The following RAB3GAP1 variants were observed in gnomAD, a reference collection of about 807,000 sequenced individuals.
RAB3GAP1 encodes the protein rab3 GTPase-activating protein catalytic subunit.
In RAB3GAP1, 86 loss-of-function variants were observed where a neutral mutation model predicts 130.7. The observed-to-expected ratio is 0.66, with a 90% CI of 0.55 to 0.79. The LOEUF is 0.79. RAB3GAP1 is among the 30% of genes least tolerant of loss of function. The probability of loss-of-function intolerance (pLI) is 0.00; values close to 1 mark genes in which losing one functional copy is unlikely to be tolerated. For missense variants in RAB3GAP1, 1,029 were observed against 1,169.4 expected (o/e 0.88, Z 1.75); for synonymous variants, 367 against 401.7 (o/e 0.91, Z 1.03).
At chr2:135,129,369 G>A (rs550615833) in intron 11 of RAB3GAP1, among the ~76,000 whole-genome samples, 35 of 149,078 alleles carry the variant, frequency 2.3e-4, no homozygotes, top group African/African-American at 6.4e-4. Context: ...GGAGAATGGC[G>A]TGAACCTGGG....
At chr2:135,125,150 C>T (rs1230063187) in intron 9 of RAB3GAP1, among the ~76,000 whole-genome samples, 1 of 152,186 alleles carries the variant, frequency 6.6e-6, no homozygotes, top group Admixed American at 6.6e-5. Context: ...TCTAGGCAAA[C>T]ACTGATATAC....
intron 3 of RAB3GAP1, among the ~76,000 whole-genome samples, chr2:135,064,332 T>A (rs945338572): frequency 6.6e-6 from 1 of 152,162 alleles, no homozygotes; most frequent in Non-Finnish European, 1.5e-5. Context: ...AACATTTGAC[T>A]TGTTGATCCT....
At chr2:135,086,359 G>A (rs1369197147) in intron 3 of RAB3GAP1, among the ~76,000 whole-genome samples, 1 of 152,116 alleles carries the variant, frequency 6.6e-6, no homozygotes, top group Non-Finnish European at 1.5e-5. Context: ...AAGTTCCTCT[G>A]TGTTCTCTGT....
At chr2:135,108,765 A>G (rs975237884) in intron 5 of RAB3GAP1, among the ~76,000 whole-genome samples, 4 of 152,186 alleles carry the variant, frequency 2.6e-5, no homozygotes, top group African/African-American at 9.6e-5. Flanking sequence ...GTCATCAACA[A>G]ACTCAAAGTT....
intron 5 of RAB3GAP1, among the ~76,000 whole-genome samples, chr2:135,095,339 C>T (rs954413405): frequency 2.6e-5 from 4 of 152,184 alleles, no homozygotes; most frequent in African/African-American, 9.7e-5. Context: ...TGAGCCACCG[C>T]GCCCGGCCGC....
chr2:135,108,002 A>C lies in RAB3GAP1; in HGVS notation c.363-5149A>C, dbSNP rs867991847. 9.4e-3 allele frequency among the ~76,000 whole-genome samples: 1,309 copies of C among 138,968 alleles called. 20 individuals are homozygous for C. Among genetic ancestry groups the C allele is most frequent in the African/African-American group, 0.034 (1,243 of 36,572 alleles). 91.2% of individuals were successfully genotyped at this position (138,968 alleles called of 152,430 possible). A position where few individuals can be genotyped will look rare whatever the true frequency, so the allele number is the denominator to read the frequency against. On this transcript the variant is annotated intron_variant, in intron 5 of 23. Transcript: ENST00000264158. ...AAAAAAAAAAAAAAAAAAAAAAAAA[A>C]CTACACAAAATAAGTGGTATGGTTT...
chr2:135,107,631 A>C (rs1013502925), intron 5 of RAB3GAP1, among the ~76,000 whole-genome samples: 11 of 152,186 alleles, frequency 7.2e-5, no homozygotes, highest in African/African-American at 2.7e-4. Flanking sequence ...TTTTTTAAAG[A>C]GGTCCTTAAT....
Position 135,126,640 on chromosome 2 carries a change from T to G in RAB3GAP1, c.957T>G (p.Asn319Lys), listed in dbSNP as rs762431904. ...HWSVRVRKAE[N>K]PQCLLGDFVT... ...CTGTTAGAGTTCGAAAAGCTGAGAA[T>G]CCTCAGTGTTTGCTAGGTAAGGTAT... Residue 319 changes from asparagine (N) to lysine (K), a missense_variant, in exon 11 of 24, where the codon AAT (asparagine) becomes AAG (lysine). Coordinates refer to ENST00000264158, the MANE Select transcript of RAB3GAP1 (RefSeq NM_012233.3). The G allele has an allele frequency of 6.2e-7, 1 of 1,612,094 alleles. No homozygotes were observed. Among genetic ancestry groups the G allele is most frequent in the East Asian group, 2.2e-5 (1 of 44,824 alleles).
At chr2:135,105,040 C>G (rs182189999) in intron 5 of RAB3GAP1, among the ~76,000 whole-genome samples, 4 of 152,192 alleles carry the variant, frequency 2.6e-5, no homozygotes, top group Admixed American at 2.6e-4. Flanking sequence ...TTGTCCAGTC[C>G]AAAGAACAGA....
chr2:135,171,947 G>T (rs1235947900), downstream of RAB3GAP1, among the ~76,000 whole-genome samples: 2 of 152,194 alleles, frequency 1.3e-5, no homozygotes, highest in Non-Finnish European at 2.9e-5. Context: ...AGTGTACCCG[G>T]CACGTGGGAA....
intron 11 of RAB3GAP1, among the ~76,000 whole-genome samples, chr2:135,127,731 A>G (rs559519154): frequency 6.6e-6 from 1 of 152,342 alleles, no homozygotes; most frequent in East Asian, 1.9e-4. Context: ...GGGAAAAGAA[A>G]TGTGAATAAT....
chr2:135,136,043 A>G, intron 17 of RAB3GAP1, 111 bp downstream of exon 17: 2 of 1,443,758 alleles, frequency 1.4e-6, no homozygotes, highest in Non-Finnish European at 1.9e-6. Flanking sequence ...GTCTATGTTT[A>G]GGCCAGATGC....
In RAB3GAP1 at chr2:135,162,598, G is replaced by T. The variant is rs146072589; in HGVS notation, c.2333G>T (p.Arg778Leu). ...LAIQKPADLA[R>L]HLLPCVIHAA... ...ATCCAGAAACCTGCAGACCTTGCTC[G>T]GCACCTGTTACCTTGTGTGATTCAT... The change falls in exon 20 of 24, where the codon CGG becomes CTG. Residue 778 changes from arginine (R) to leucine (L), a missense_variant. Coordinates refer to ENST00000264158, the MANE Select transcript of RAB3GAP1 (RefSeq NM_012233.3). The T allele has an allele frequency of 1.9e-6, 3 of 1,614,072 alleles. No individual in the cohort carries two copies. Among genetic ancestry groups the T allele is most frequent in the Non-Finnish European group, 2.5e-6 (3 of 1,180,000 alleles).
chr2:135,140,772 G>C (rs1365784073), intron 17 of RAB3GAP1, among the ~76,000 whole-genome samples: 1 of 152,170 alleles, frequency 6.6e-6, no homozygotes, highest in African/African-American at 2.4e-5. Context: ...GAAAGTAGGT[G>C]TTTAGCATAA....
In RAB3GAP1 at chr2:135,126,242, G is replaced by A; in HGVS notation, c.892G>A (p.Val298Ile). ...CGAAGGGATCATTGTGGATAATGAT[G>A]TTTATTCGTAAGTATGTTAAGAGTA... ...LTEGIIVDND[V>I]YSDLDPIQAP... Residue 298 changes from valine (V) to isoleucine (I), a missense_variant, in exon 10 of 24, where the codon GTT (valine) becomes ATT (isoleucine). Coordinates refer to ENST00000264158, the MANE Select transcript of RAB3GAP1 (RefSeq NM_012233.3). 1 of 1,610,776 alleles carries A rather than the reference G, an allele frequency of 6.2e-7. No homozygotes were observed. Among genetic ancestry groups the A allele is most frequent in the Non-Finnish European group, 8.5e-7 (1 of 1,177,206 alleles).
rs867850955 is a variant in RAB3GAP1, at chr2:135,055,888, G to C, written c.75-2123G>C. Among the ~76,000 whole-genome samples, 5 of 151,900 alleles carry C rather than the reference G, an allele frequency of 3.3e-5. No individual in the cohort carries two copies. In the South Asian group the frequency reaches 8.3e-4, roughly 25 times the overall value. On this transcript the variant is annotated intron_variant, in intron 2 of 23. Transcript: ENST00000264158. ...GTCTCGCTCTGTCGCCCAGGCTGGA[G>C]TGCAGTGGCGCGATCTCGGCTCACT...
intron 5 of RAB3GAP1, among the ~76,000 whole-genome samples, chr2:135,103,044 T>TTTTTTTTTTTTTTTTTTTG: frequency 1.5e-5 from 2 of 136,530 alleles, no homozygotes; most frequent in South Asian, 2.5e-4. Context: ...GATTTTTTTT[T>TTTTTTTTTTTTTTTTTTTG]TTTTTTTTTT....
chr2:135,096,478 A>G (rs1048245706), intron 5 of RAB3GAP1, among the ~76,000 whole-genome samples: 1 of 152,204 alleles, frequency 6.6e-6, no homozygotes, highest in African/African-American at 2.4e-5. Flanking sequence ...CACTTAAACA[A>G]CTAAAAAAGA....
intron 7 of RAB3GAP1, among the ~76,000 whole-genome samples, chr2:135,116,357 A>G (rs1408931772): frequency 1.3e-5 from 2 of 152,138 alleles, no homozygotes; most frequent in Non-Finnish European, 2.9e-5. Flanking sequence ...AATGTTTAAC[A>G]TACTGTAAAT....
Sources: gnomAD v4.1 joint callset for allele counts (sites outside exome capture counted in the v4.1 genomes callset) on GRCh38, gnomAD v4.1.1 for gene constraint, MANE v1.5 for transcripts, NCBI Gene and HGNC (gene_info 2026-07-23, HGNC 2026-07-21) for gene names.